ASXL1: variants seen among roughly 807,000 people sequenced by gnomAD.
ASXL1 encodes polycomb group protein ASXL1.
In ASXL1, 65 loss-of-function variants were observed where a neutral mutation model predicts 89.1. The observed-to-expected ratio is 0.73, with a 90% CI of 0.60 to 0.90. The LOEUF is 0.90. Among genes scored for constraint, ASXL1 ranks in the 40% least tolerant of loss-of-function variants. The pLI, the probability that ASXL1 is intolerant of heterozygous loss-of-function variation, is 0.00. For missense variants in ASXL1, 1,786 were observed against 1,942.9 expected (o/e 0.92, Z 1.52); for synonymous variants, 739 against 746.9 (o/e 0.99, Z 0.17).
At chr20:32,393,064 C>T (rs2048701020) in intron 4 of ASXL1, among the ~76,000 whole-genome samples, 1 of 152,006 alleles carries the variant, frequency 6.6e-6, no homozygotes, top group Non-Finnish European at 1.5e-5. Context: ...GTTAAAATCT[C>T]AATTCTGTTT....
At chr20:32,368,627 T>C (rs898427828) in intron 3 of ASXL1, among the ~76,000 whole-genome samples, 1 of 152,230 alleles carries the variant, frequency 6.6e-6, no homozygotes, top group Non-Finnish European at 1.5e-5. Context: ...CTGAGTATGA[T>C]ATGTAGATTG....
At position 32,434,846 on chromosome 20, in the gene ASXL1, GC is replaced by G. The variant is rs2011701161; in HGVS notation, c.2136del (p.Met713CysfsTer12). 6.2e-7 allele frequency: 1 copy of G among 1,614,172 alleles called. No homozygotes were observed. The highest frequency in any genetic ancestry group is 8.5e-7 in the Non-Finnish European group (1 of 1,180,036). On this transcript the variant is annotated frameshift_variant, in exon 13 of 13. Coordinates refer to ENST00000375687, the MANE Select transcript of ASXL1 (RefSeq NM_015338.6). LOFTEE classifies it low-confidence loss of function (END_TRUNC). ...LNGEHTQAGT[A>X]MSRARREDLP... ...TGGGGAGCATACCCAGGCCGGAACTGCCATGTCCAGAGCTAGGAGAGAGGAC... is the reference window on the plus strand; with the variant it reads ...TGGGGAGCATACCCAGGCCGGAACTGCATGTCCAGAGCTAGGAGAGAGGAC...
chr20:32,430,000 A>C lies in ASXL1; in HGVS notation c.665A>C (p.Glu222Ala). ...AGCGCTGCTATTCGTGGCCAGGCCG[A>C]GGTCACCCAGGACCCTGCCCCGCTC... ...LGSAAIRGQA[E>A]VTQDPAPLLR... is the part of the protein sequence containing the mutation. The change falls in exon 8 of 13, where the codon GAG becomes GCG. Residue 222 changes from glutamate to alanine, a missense_variant. Coordinates refer to ENST00000375687, the MANE Select transcript of ASXL1 (RefSeq NM_015338.6). The surrounding 1 kb of genome is among the most constrained non-coding windows in gnomAD (Gnocchi z 4.9). 1 of 1,608,302 alleles carries C rather than the reference A, an allele frequency of 6.2e-7. No homozygotes were observed. Among genetic ancestry groups the C allele is most frequent in the Non-Finnish European group, 8.5e-7 (1 of 1,179,942 alleles).
At chr20:32,363,841 G>A (rs558494066) in intron 1 of ASXL1, among the ~76,000 whole-genome samples, 4 of 152,196 alleles carry the variant, frequency 2.6e-5, no homozygotes, top group Admixed American at 6.5e-5. Context: ...TATTTGCAAC[G>A]TGTGGGAATT....
At chr20:32,405,334 T>A (rs1457683541) in intron 4 of ASXL1, among the ~76,000 whole-genome samples, 1 of 152,106 alleles carries the variant, frequency 6.6e-6, no homozygotes, top group Admixed American at 6.6e-5. Flanking sequence ...TGCCTCAGCC[T>A]CCCAAAGTGT....
At chr20:32,362,600 C>T (rs2048136951) in intron 1 of ASXL1, among the ~76,000 whole-genome samples, 1 of 152,208 alleles carries the variant, frequency 6.6e-6, no homozygotes, top group Admixed American at 6.5e-5. Flanking sequence ...CGAGCTACTG[C>T]ACTCCATCCA....
intron 4 of ASXL1, among the ~76,000 whole-genome samples, chr20:32,382,447 C>T (rs180764940): frequency 4.9e-4 from 75 of 151,980 alleles, no homozygotes; most frequent in Non-Finnish European, 1.1e-3. Flanking sequence ...TATATTATTC[C>T]TGTTAGAGTT....
At chr20:32,402,700 G>C (rs1173227940) in intron 4 of ASXL1, among the ~76,000 whole-genome samples, 2 of 152,154 alleles carry the variant, frequency 1.3e-5, no homozygotes, top group Non-Finnish European at 2.9e-5. Context: ...CATTTCCGTA[G>C]TGGCTAATGA....
In ASXL1 at chr20:32,436,647, C is replaced by T. The variant is rs148144203; in HGVS notation, c.3935C>T (p.Ala1312Val). 1,809 of 1,614,076 alleles carry T rather than the reference C, an allele frequency of 1.1e-3. 1 individual carries two copies. The highest frequency in any genetic ancestry group is 1.4e-3 in the Non-Finnish European group (1,681 of 1,180,036). Residue 1312 changes from alanine (A) to valine (V), a missense_variant, in exon 13 of 13, where the codon GCA (alanine) becomes GTA (valine). Physicochemically the swap from Ala to Val is moderately conservative, Grantham distance 64 (BLOSUM62 0). Around this residue, in one of 3 missense-constraint regions of ASXL1, gnomAD observed 1,418 missense variants for 1,427.8 expected, o/e 0.99. Coordinates refer to ENST00000375687, the MANE Select transcript of ASXL1 (RefSeq NM_015338.6). ...KKLFGSGNVAATLQRPRPADP... is the reference protein window; with the variant it reads ...KKLFGSGNVAVTLQRPRPADP... ...CTTTTTGGCTCTGGGAATGTGGCTG[C>T]AACCCTTCAGCGCCCCAGGCCTGCG... is the stretch of plus-strand genomic sequence containing the variant.
At chr20:32,431,510 C>T (rs771081523) in intron 9 of ASXL1, 26 bp downstream of exon 9, 1 of 1,614,072 alleles carries the variant, frequency 6.2e-7, no homozygotes, top group Non-Finnish European at 8.5e-7. Flanking sequence ...CTCCCCTTTG[C>T]CTCTCTCTGG....
intron 4 of ASXL1, among the ~76,000 whole-genome samples, chr20:32,411,317 T>C (rs536908621): frequency 2.3e-4 from 32 of 138,362 alleles, no homozygotes; most frequent in African/African-American, 6.8e-4. Flanking sequence ...AACCTCTGTC[T>C]CCTGGGTTCA....
intron 4 of ASXL1, among the ~76,000 whole-genome samples, chr20:32,392,110 ATTTG>A (rs2048682759): frequency 6.6e-6 from 1 of 151,348 alleles, no homozygotes; most frequent in South Asian, 2.1e-4. Flanking sequence ...CCATCTAGCT[ATTTG>A]TTATTTATTT....
chr20:32,397,399 C>CTTT (rs1199602381), intron 4 of ASXL1, among the ~76,000 whole-genome samples: 12 of 96,670 alleles, frequency 1.2e-4, no homozygotes, highest in Middle Eastern at 8.5e-3. Context: ...CACTCCTGGC[C>CTTT]TTTTTTTTTT....
chr20:32,364,357 G>C (rs1305166746), intron 1 of ASXL1, among the ~76,000 whole-genome samples: 1 of 151,596 alleles, frequency 6.6e-6, no homozygotes, highest in Admixed American at 6.6e-5. Context: ...CTGGGATTAC[G>C]GGCATGAGCC....
chr20:32,418,488 T>A (rs1231067453), intron 4 of ASXL1, among the ~76,000 whole-genome samples: 1 of 152,242 alleles, frequency 6.6e-6, no homozygotes, highest in Non-Finnish European at 1.5e-5. Context: ...CAATTTAAAG[T>A]ATACAATTCA....
rs199785280 is a variant in ASXL1, at chr20:32,435,625, T to C, written c.2913T>C (p.Asn971=). The C allele has an allele frequency of 1.2e-5, 19 of 1,613,960 alleles. No individual in the cohort carries two copies. Among genetic ancestry groups the C allele is most frequent in the Non-Finnish European group, 1.4e-5 (17 of 1,180,034 alleles). Residue 971 remains asparagine (N), a synonymous_variant, in exon 13 of 13, where the codon AAT becomes AAC. Coordinates refer to ENST00000375687, the MANE Select transcript of ASXL1 (RefSeq NM_015338.6). ...TVPSRGGSDS[N]GSYCQQVDIE... The stretch of plus-strand genomic sequence containing the variant: ...CATCTCGAGGAGGCAGTGACAGCAA[T>C]GGCAGTTACTGTCAACAGGTGGACA...
At chr20:32,410,832 C>T (rs1238453590) in intron 4 of ASXL1, among the ~76,000 whole-genome samples, 1 of 151,958 alleles carries the variant, frequency 6.6e-6, no homozygotes, top group Non-Finnish European at 1.5e-5. Context: ...AGTTTGAGAC[C>T]AGCCTTGCCA....
intron 4 of ASXL1, among the ~76,000 whole-genome samples, chr20:32,374,450 C>T (rs144592200): frequency 6.6e-6 from 1 of 152,114 alleles, no homozygotes; most frequent in East Asian, 1.9e-4. Context: ...CACCACTGCA[C>T]CTAATTAAAA....
intron 4 of ASXL1, among the ~76,000 whole-genome samples, chr20:32,375,263 C>T (rs986818264): frequency 1.8e-4 from 28 of 152,118 alleles, no homozygotes; most frequent in Admixed American, 3.3e-4. Flanking sequence ...GTCAGGAGTT[C>T]GCGGCAAAAC....
Sources: allele counts gnomAD v4.1 joint callset (sites outside exome capture counted in the v4.1 genomes callset), GRCh38; gene constraint gnomAD v4.1.1; regional missense constraint gnomAD v4.1.1; non-coding constraint Gnocchi (gnomAD v3.1); transcripts MANE v1.5; gene names NCBI Gene and HGNC (gene_info 2026-07-23, HGNC 2026-07-21).